The following MEMO1 variants were observed in gnomAD, a reference collection of about 807,000 sequenced individuals.
The protein encoded by MEMO1 is mediator of cell motility 1.
A neutral mutation model predicts 45.2 loss-of-function variants in MEMO1; 6 were observed. The observed-to-expected ratio is 0.13, with a 90% CI of 0.07 to 0.26. The LOEUF (loss-of-function observed/expected upper bound fraction) is 0.26. Among genes scored for constraint, MEMO1 ranks in the 10% least tolerant of loss-of-function variants. MEMO1 has a pLI of 1.00. For missense variants in MEMO1, 184 were observed against 370.5 expected (o/e 0.50, Z 4.13); for synonymous variants, 78 against 124.3 (o/e 0.63, Z 2.48).
At chr2:31,943,040 G>A (rs1430262677) in intron 3 of MEMO1, among the ~76,000 whole-genome samples, 1 of 152,168 alleles carries the variant, frequency 6.6e-6, no homozygotes, top group Non-Finnish European at 1.5e-5. Flanking sequence ...CGAGGCAGGT[G>A]GATCATTTGA....
chr2:31,962,276 C>G (rs1319521056), intron 2 of MEMO1, among the ~76,000 whole-genome samples: 3 of 152,080 alleles, frequency 2.0e-5, no homozygotes, highest in African/African-American at 7.2e-5. Context: ...GTAATCCCAG[C>G]TATTCAGAAG....
intron 6 of MEMO1, among the ~76,000 whole-genome samples, chr2:31,911,129 G>C (rs1680506882): frequency 6.6e-6 from 1 of 151,990 alleles, no homozygotes; most frequent in African/African-American, 2.4e-5. Flanking sequence ...TCCTTCAGGA[G>C]GTGGAATGGA....
At chr2:31,899,273 G>A (rs1356339611) in intron 6 of MEMO1, among the ~76,000 whole-genome samples, 1 of 152,146 alleles carries the variant, frequency 6.6e-6, no homozygotes, top group Non-Finnish European at 1.5e-5. Flanking sequence ...CATGCTACCT[G>A]ATTTCAAACT....
chr2:31,892,229 T>C lies in MEMO1; in HGVS notation c.438-95A>G, dbSNP rs1400072433. 22 of 1,065,796 alleles carry C rather than the reference T, an allele frequency of 2.1e-5. No homozygotes were observed. In the East Asian group the frequency reaches 3.3e-4, roughly 16 times the overall value. 66.0% of individuals were successfully genotyped at this position (1,065,796 alleles called of 1,614,324 possible). Reference sequence around the variant, plus strand: ...CATTAGAAAGTGGAATATGTATTAATAGTGGTAAGGATAACATATGTAATT... The same window carrying C: ...CATTAGAAAGTGGAATATGTATTAACAGTGGTAAGGATAACATATGTAATT... On this transcript the variant is annotated intron_variant, in intron 6 of 9. Coordinates refer to ENST00000404530, the MANE Select transcript of MEMO1 (RefSeq NM_001301833.4).
At chr2:31,922,631 C>T (rs905395922) in intron 4 of MEMO1, among the ~76,000 whole-genome samples, 6 of 151,590 alleles carry the variant, frequency 4.0e-5, no homozygotes, top group African/African-American at 9.7e-5. Flanking sequence ...ATCCTCCTCC[C>T]ACCTTCTACC....
rs371892973 is a variant in MEMO1, at chr2:31,868,448, C to T, written c.807G>A (p.Ser269=). The change falls in exon 10 of 10, where the codon TCG becomes TCA. Residue 269 remains serine (S), a synonymous_variant. Transcript: ENST00000404530. ...LQKNGMNMSF[S]FLNYAQSSQC... is the part of the protein sequence containing the mutation. ...GGCTCGACTGGGCATAATTCAAAAA[C>T]GAAAAACTCATATTCATTCCATTCT... The T allele has an allele frequency of 1.6e-4, 255 of 1,603,294 alleles. 2 individuals carry two copies. The highest frequency in any genetic ancestry group is 9.9e-4 in the South Asian group (88 of 89,012).
intron 7 of MEMO1, 120 bp downstream of exon 7, chr2:31,891,872 C>T (rs1377306010): frequency 2.9e-6 from 3 of 1,035,556 alleles, no homozygotes; most frequent in East Asian, 2.4e-5. Flanking sequence ...ACACTGCTGC[C>T]AGAAGTAAAA....
At chr2:31,877,918 T>C (rs1674788853) in intron 8 of MEMO1, among the ~76,000 whole-genome samples, 1 of 152,184 alleles carries the variant, frequency 6.6e-6, no homozygotes, top group Non-Finnish European at 1.5e-5. Flanking sequence ...AAATATGTAT[T>C]GACCACCTAC....
At chr2:31,933,236 C>T (rs1664397578) in intron 3 of MEMO1, among the ~76,000 whole-genome samples, 2 of 139,774 alleles carry the variant, frequency 1.4e-5, no homozygotes. Context: ...AGGAGGATTG[C>T]TTAAGCCAAG....
rs773833744 is a variant in MEMO1, at chr2:31,883,434, A to T, written c.609T>A (p.Asp203Glu). 6.3e-7 allele frequency: 1 copy of T among 1,594,556 alleles called. No individual in the cohort carries two copies. The highest frequency in any genetic ancestry group is 8.5e-7 in the Non-Finnish European group (1 of 1,172,060). Reference sequence around the variant, plus strand: ...ATCTATAAATCTCCCCCTGGGATTCATCATAGTAACTGTAACGGAACCTTT... The same window carrying T: ...ATCTATAAATCTCCCCCTGGGATTCTTCATAGTAACTGTAACGGAACCTTT... ...WGQRFRYSYYDESQGEIYRSI... is the reference protein window; with the variant it reads ...WGQRFRYSYYEESQGEIYRSI... The change falls in exon 8 of 10, where the codon GAT becomes GAA. Residue 203 changes from aspartate (D) to glutamate (E), a missense_variant. This residue lies in a region of MEMO1 where 97 missense variants were observed against 209.3 expected (regional missense o/e 0.46). Transcript: ENST00000404530.
chr2:31,923,595 G>T (rs1682652023), intron 4 of MEMO1: 1 of 1,505,694 alleles, frequency 6.6e-7, no homozygotes, highest in South Asian at 1.3e-5. Context: ...TGGTAACTCA[G>T]AAATGTTTAG....
At chr2:31,886,888 C>T (rs564450457) in intron 7 of MEMO1, among the ~76,000 whole-genome samples, 2 of 152,294 alleles carry the variant, frequency 1.3e-5, no homozygotes, top group South Asian at 4.1e-4. Flanking sequence ...GCCATTGACA[C>T]TGCCCCTAGG....
chr2:31,990,571 C>CATTTTTT, intron 2 of MEMO1, among the ~76,000 whole-genome samples: 1 of 119,998 alleles, frequency 8.3e-6, no homozygotes, highest in Non-Finnish European at 1.8e-5. Flanking sequence ...AATTTTTTTT[C>CATTTTTT]TTTTTTTTTT....
intron 4 of MEMO1, among the ~76,000 whole-genome samples, chr2:31,925,159 A>G (rs1293429513): frequency 6.6e-6 from 1 of 151,996 alleles, no homozygotes; most frequent in East Asian, 1.9e-4. Flanking sequence ...ATTGTTCCCC[A>G]TTGCTTGGCT....
intron 2 of MEMO1, 38 bp downstream of exon 2, chr2:32,010,149 G>GCGA: frequency 8.5e-6 from 10 of 1,181,892 alleles, no homozygotes; most frequent in Non-Finnish European, 1.1e-5. Flanking sequence ...GGGCCAGGCG[G>GCGA]CGACGGCGGC....
At chr2:31,968,418 G>C (rs1668885339) in intron 2 of MEMO1, among the ~76,000 whole-genome samples, 1 of 152,162 alleles carries the variant, frequency 6.6e-6, no homozygotes, top group Admixed American at 6.5e-5. Context: ...GAGCTGTCAT[G>C]CTGATAACCC....
chr2:31,883,899 G>A (rs1303307438), intron 7 of MEMO1, among the ~76,000 whole-genome samples: 6 of 148,556 alleles, frequency 4.0e-5, no homozygotes, highest in South Asian at 2.1e-4. Context: ...TCTCTATTAC[G>A]GGGGAAAAAA....
chr2:31,946,055 G>A lies in MEMO1; in HGVS notation c.62-2672C>T, dbSNP rs114729289. ...TCTGGTTTAATACTTATTAAAAACT[G>A]AAATTGTTTCCTTTTTCTTCTACCT... On this transcript the variant is annotated intron_variant, in intron 2 of 9. Coordinates refer to ENST00000404530, the MANE Select transcript of MEMO1 (RefSeq NM_001301833.4). Among the ~76,000 whole-genome samples the A allele has an allele frequency of 4.6e-3, 701 of 152,272 alleles. 5 individuals are homozygous for A. The highest frequency in any genetic ancestry group is 0.016 in the African/African-American group (667 of 41,566).
At chr2:31,933,317 TAAAAAAAAAAAAAAAA>T (rs34487390) in intron 3 of MEMO1, among the ~76,000 whole-genome samples, 44 of 24,112 alleles carry the variant, frequency 1.8e-3, no homozygotes, top group Admixed American at 5.7e-3. Context: ...ACCACCTCTT[TAAAAAAAAAAAAAAAA>T]AAAAAAAAAA....
Sources: allele counts gnomAD v4.1 joint callset (sites outside exome capture counted in the v4.1 genomes callset), GRCh38; gene constraint gnomAD v4.1.1; regional missense constraint gnomAD v4.1.1; transcripts MANE v1.5; gene names NCBI Gene and HGNC (gene_info 2026-07-23, HGNC 2026-07-21).